ITGA1: variants seen among roughly 807,000 people sequenced by gnomAD.
The protein encoded by ITGA1 is integrin subunit alpha 1.
ITGA1 carries 85 observed loss-of-function variants against 145.9 expected under a neutral mutation model. The observed-to-expected ratio is 0.58, with a 90% CI of 0.49 to 0.70. The LOEUF is 0.70. Ranked by LOEUF, ITGA1 falls within the 30% of genes least tolerant of loss-of-function variation. The pLI, the probability that ITGA1 is intolerant of heterozygous loss-of-function variation, is 0.00. For missense variants in ITGA1, 1,351 were observed against 1,418.7 expected, an observed-to-expected ratio of 0.95 and a Z score of 0.77; for synonymous variants, 520 against 495.3, an observed-to-expected ratio of 1.05 and a Z score of -0.66.
intron 2 of ITGA1, among the ~76,000 whole-genome samples, chr5:52,860,837 T>C (rs549240590): frequency 6.6e-6 from 1 of 152,370 alleles, no homozygotes; most frequent in African/African-American, 2.4e-5. Flanking sequence ...AGAATGGTTT[T>C]ATAATTCTGT....
chr5:52,879,607 T>C (rs1198023474), intron 6 of ITGA1, among the ~76,000 whole-genome samples: 1 of 152,212 alleles, frequency 6.6e-6, no homozygotes, highest in Admixed American at 6.5e-5. Flanking sequence ...AATAAAAATG[T>C]TCCTCACATT....
At chr5:52,933,168 A>T (rs192118086) in intron 22 of ITGA1, 5 of 152,096 alleles carry the variant, frequency 3.3e-5, no homozygotes, top group African/African-American at 1.2e-4. Context: ...TGGCTTAATA[A>T]TTTATTATCT....
Position 52,954,758 on chromosome 5 carries a change from A to G in ITGA1, c.*2307A>G, listed in dbSNP as rs1453145628. On this transcript the variant is annotated 3_prime_UTR_variant, in exon 29 of 29. Coordinates refer to ENST00000282588, the MANE Select transcript of ITGA1 (RefSeq NM_181501.2). ...TCTGCAAGACAAGTTTGATTCATCT[A>G]GTTTCATATAGTTTCATATAGTTTC... The G allele has an allele frequency of 1.3e-5, 2 of 148,512 alleles. No homozygotes were observed. The highest frequency in any genetic ancestry group is 4.1e-4 in the South Asian group (2 of 4,826). 9.2% of individuals were successfully genotyped at this position (148,512 alleles called of 1,614,324 possible).
chr5:52,930,606 G>A (rs1750880377), intron 21 of ITGA1, among the ~76,000 whole-genome samples: 1 of 152,108 alleles, frequency 6.6e-6, no homozygotes, highest in Non-Finnish European at 1.5e-5. Flanking sequence ...ATATCTACTT[G>A]GCAATGGGAA....
intron 1 of ITGA1, among the ~76,000 whole-genome samples, chr5:52,804,210 G>A (rs1748546087): frequency 6.6e-6 from 1 of 152,150 alleles, no homozygotes; most frequent in Non-Finnish European, 1.5e-5. Context: ...TACTCATTAA[G>A]TATTGGATAT....
rs1220106895 is a variant in ITGA1 at position 52,865,782 on chromosome 5, C to T, written c.589C>T (p.Leu197Phe). 1 of 1,602,884 alleles carries T rather than the reference C, an allele frequency of 6.2e-7. No homozygotes were observed. The highest frequency in any genetic ancestry group is 8.5e-7 in the Non-Finnish European group (1 of 1,175,564). Reference protein sequence around the residue: ...DSVTAFLNDLLERMDIGPKQT... With the variant: ...DSVTAFLNDLFERMDIGPKQT... ...TGTTACAGCTTTTTTAAATGACCTT[C>T]TTGAAAGAATGGATATTGGTCCTAA... Residue 197 changes from leucine (L) to phenylalanine (F), a missense_variant, in exon 6 of 29, where the codon CTT (leucine) becomes TTT (phenylalanine). Leu to Phe is a conservative substitution (Grantham distance 22, BLOSUM62 0). Coordinates refer to ENST00000282588, the MANE Select transcript of ITGA1 (RefSeq NM_181501.2).
In ITGA1 at chr5:52,918,734, C is replaced by A; in HGVS notation, c.1991C>A (p.Ser664Tyr). Residue 664 changes from serine (S) to tyrosine (Y), a missense_variant and splice_region_variant, in exon 16 of 29, where the codon TCC becomes TAC. Physicochemically the swap from Ser to Tyr is moderately radical, Grantham distance 144. Transcript: ENST00000282588. The stretch of plus-strand genomic sequence containing the variant: ...AATCCCATTGTTTTTGTTTGTAGGT[C>A]CCGAGATGTGGCCGTAGTTAAAGTG... ...GGLGGAALFWSRDVAVVKVTM... is the reference protein window; with the variant it reads ...GGLGGAALFWYRDVAVVKVTM... 6.2e-7 allele frequency: 1 copy of A among 1,605,374 alleles called. No homozygotes were observed. Among genetic ancestry groups the A allele is most frequent in the South Asian group, 1.1e-5 (1 of 88,812 alleles).
chr5:52,795,791 C>A (rs1251555853), intron 1 of ITGA1, among the ~76,000 whole-genome samples: 1 of 151,828 alleles, frequency 6.6e-6, no homozygotes, highest in Non-Finnish European at 1.5e-5. Context: ...ACTAGGACCT[C>A]ATAAGGATGG....
chr5:52,950,350 G>T (rs992489964), intron 28 of ITGA1, among the ~76,000 whole-genome samples: 3 of 152,102 alleles, frequency 2.0e-5, no homozygotes, highest in Non-Finnish European at 4.4e-5. Flanking sequence ...GGGTGTGGAT[G>T]GGGACTGGTG....
chr5:52,912,582 TCCA>T, intron 14 of ITGA1, among the ~76,000 whole-genome samples: 1 of 138,320 alleles, frequency 7.2e-6, no homozygotes, highest in Admixed American at 7.3e-5. Flanking sequence ...ATATAGTGTA[TCCA>T]CTATAGGTAT....
At chr5:52,898,630 T>C (rs1467943249) in intron 11 of ITGA1, among the ~76,000 whole-genome samples, 1 of 152,138 alleles carries the variant, frequency 6.6e-6, no homozygotes, top group Non-Finnish European at 1.5e-5. Flanking sequence ...GGTTGATATG[T>C]GCCCTTTCTG....
chr5:52,874,594 A>G (rs967716833), intron 6 of ITGA1, among the ~76,000 whole-genome samples: 7 of 152,036 alleles, frequency 4.6e-5, no homozygotes, highest in African/African-American at 1.7e-4. Context: ...ATGTTCACAC[A>G]CTCACTTTTC....
At chr5:52,792,882 G>A (rs965547674) in intron 1 of ITGA1, among the ~76,000 whole-genome samples, 2 of 152,260 alleles carry the variant, frequency 1.3e-5, no homozygotes, top group East Asian at 3.9e-4. Flanking sequence ...TCTGTGACTG[G>A]AGAATTGTAT....
At chr5:52,800,753 T>G in intron 1 of ITGA1, 1 of 1,614,130 alleles carries the variant, frequency 6.2e-7, no homozygotes, top group East Asian at 2.2e-5. Context: ...TGGGATAGTG[T>G]GGTACTGGAG....
chr5:52,826,126 G>A (rs557954472), intron 1 of ITGA1, among the ~76,000 whole-genome samples: 1 of 152,266 alleles, frequency 6.6e-6, no homozygotes, highest in South Asian at 2.1e-4. Flanking sequence ...TAAAGGAGAA[G>A]TTCTTGAAGA....
chr5:52,802,705 G>C (rs1473768969), intron 1 of ITGA1: 6 of 152,004 alleles, frequency 3.9e-5, no homozygotes, highest in African/African-American at 1.4e-4. Flanking sequence ...TTTTTTGCTT[G>C]TCAAAGTTAT....
intron 1 of ITGA1, among the ~76,000 whole-genome samples, chr5:52,805,571 T>C (rs1427024765): frequency 6.6e-6 from 1 of 152,018 alleles, no homozygotes; most frequent in Admixed American, 6.6e-5. Flanking sequence ...TCTTGAGTGG[T>C]GGGAGAGATG....
At chr5:52,916,550 A>G (rs760916595) in intron 15 of ITGA1, among the ~76,000 whole-genome samples, 1 of 152,198 alleles carries the variant, frequency 6.6e-6, no homozygotes, top group Non-Finnish European at 1.5e-5. Context: ...ATGCTTAAGA[A>G]CTAATGGTCA....
chr5:52,841,239 A>G (rs561796125), intron 1 of ITGA1, among the ~76,000 whole-genome samples: 2 of 152,206 alleles, frequency 1.3e-5, no homozygotes, highest in Admixed American at 6.5e-5. Context: ...GGAAGTTCCA[A>G]TTGTTTGAAG....
Sources: allele counts gnomAD v4.1 joint callset (sites outside exome capture counted in the v4.1 genomes callset), GRCh38; gene constraint gnomAD v4.1.1; transcripts MANE v1.5; gene names NCBI Gene and HGNC (gene_info 2026-07-23, HGNC 2026-07-21).